The following ODAD2 variants were observed in gnomAD, a reference collection of about 807,000 sequenced individuals.
The protein encoded by ODAD2 is outer dynein arm docking complex subunit 2, also known as outer dynein arm-docking complex subunit 2.
Under a neutral mutation model 106.8 loss-of-function variants are expected in ODAD2, and 89 were observed. The ratio of observed to expected loss-of-function variants is 0.83; its 90% CI spans 0.70 to 0.99. The LOEUF (loss-of-function observed/expected upper bound fraction) is 0.99, where lower values mean the gene tolerates loss of function less well. Ranked by LOEUF, ODAD2 falls within the 50% of genes least tolerant of loss-of-function variation. ODAD2 has a pLI of 0.00. For synonymous variants in ODAD2, 404 were observed against 436.2 expected (o/e 0.93, Z 0.92); for missense variants, 1,168 against 1,238.5 (o/e 0.94, Z 0.85).
intron 17 of ODAD2, among the ~76,000 whole-genome samples, chr10:27,863,589 C>T (rs535505581): frequency 6.6e-6 from 1 of 152,196 alleles, no homozygotes; most frequent in Non-Finnish European, 1.5e-5. Flanking sequence ...ATGTTGCCTA[C>T]AACTGGTGGG....
At position 27,961,322 on chromosome 10, in the gene ODAD2, G is replaced by C. The variant is rs200208473; in HGVS notation, c.1386+246C>G. On this transcript the variant is annotated intron_variant, in intron 10 of 19. Coordinates refer to ENST00000305242, the MANE Select transcript of ODAD2 (RefSeq NM_018076.5). ...ATGGCAGCAAGTCACAGTGTCAGCT[G>C]TTTACCATGCCCACTTCCCAGCCGG... Among the ~76,000 whole-genome samples, 6 of 152,180 alleles carry C rather than the reference G, an allele frequency of 3.9e-5. No individual in the cohort carries two copies. The East Asian group carries it at 1.2e-3, about 29-fold the overall frequency.
chr10:27,874,932 T>A (rs1337067230), intron 17 of ODAD2, among the ~76,000 whole-genome samples: 2 of 152,344 alleles, frequency 1.3e-5, no homozygotes, highest in East Asian at 1.9e-4. Flanking sequence ...TTCTCCTGGA[T>A]AATATCCTGC....
chr10:27,982,578 A>G (rs1215878542), intron 6 of ODAD2, among the ~76,000 whole-genome samples: 2 of 152,150 alleles, frequency 1.3e-5, no homozygotes, highest in African/African-American at 2.4e-5. Context: ...TGTCATGCTA[A>G]TAAGAAAAGC....
intron 1 of ODAD2, chr10:27,995,755 T>G (rs1271188543): frequency 6.6e-6 from 1 of 152,390 alleles, no homozygotes; most frequent in Non-Finnish European, 1.5e-5. Context: ...ATAAGAACAG[T>G]ATTGTGAAAT....
intron 7 of ODAD2, among the ~76,000 whole-genome samples, chr10:27,971,770 A>G (rs1190844187): frequency 2.0e-5 from 3 of 152,184 alleles, no homozygotes; most frequent in African/African-American, 7.2e-5. Context: ...TCTTTAAAGC[A>G]CTAAAAAGGA....
At chr10:27,820,930 C>T (rs760004086) in intron 19 of ODAD2, among the ~76,000 whole-genome samples, 14 of 151,918 alleles carry the variant, frequency 9.2e-5, no homozygotes, top group South Asian at 2.1e-4. Flanking sequence ...TACAGGCATG[C>T]GCCACCACAC....
Position 27,940,547 on chromosome 10 carries a change from G to A in ODAD2, c.1986+16C>T, listed in dbSNP as rs367991055. On this transcript the variant is annotated intron_variant, in intron 13 of 19. Coordinates refer to ENST00000305242, the MANE Select transcript of ODAD2 (RefSeq NM_018076.5). The stretch of plus-strand genomic sequence containing the variant: ...TCAAGTTGAGAAGGCAAGGGAAGCA[G>A]AACTGGCATGAGTACCTCTGATGCA... 89 of 1,611,676 alleles carry A rather than the reference G, an allele frequency of 5.5e-5. No homozygotes were observed. The African/African-American group carries it at 8.5e-4, about 15-fold the overall frequency.
intron 7 of ODAD2, among the ~76,000 whole-genome samples, chr10:27,974,138 T>TC (rs1311697813): frequency 6.6e-6 from 1 of 152,212 alleles, no homozygotes; most frequent in Non-Finnish European, 1.5e-5. Context: ...TGTTTGTTTT[T>TC]CTCTTGAAAA....
At position 27,895,459 on chromosome 10, in the gene ODAD2, T is replaced by G. The variant is rs191768104; in HGVS notation, c.2610+12204A>C. On this transcript the variant is annotated intron_variant, in intron 17 of 19. Transcript: ENST00000305242. ...TGCGCCACCAAGCCTAGCTAATTTT[T>G]GTATTTTTAGTAGAGATGGGGTTTT... Among the ~76,000 whole-genome samples the G allele has an allele frequency of 3.4e-3, 516 of 152,324 alleles. 1 individual carries two copies. Among genetic ancestry groups the G allele is most frequent in the African/African-American group, 0.012 (488 of 41,574 alleles).
At chr10:27,958,339 A>G (rs1471191066) in intron 10 of ODAD2, among the ~76,000 whole-genome samples, 3 of 152,170 alleles carry the variant, frequency 2.0e-5, no homozygotes, top group African/African-American at 7.2e-5. Flanking sequence ...AAAACTCAAG[A>G]CAGTTATCCA....
chr10:27,984,474 T>C (rs1396641149), intron 4 of ODAD2, among the ~76,000 whole-genome samples, 184 bp from the exon 5 acceptor site: 1 of 152,278 alleles, frequency 6.6e-6, no homozygotes, highest in Admixed American at 6.5e-5. Flanking sequence ...TTATGTTTAA[T>C]GCAACATTAA....
intron 19 of ODAD2, among the ~76,000 whole-genome samples, chr10:27,816,320 C>T (rs1836131647): frequency 6.6e-6 from 1 of 152,158 alleles, no homozygotes; most frequent in Non-Finnish European, 1.5e-5. Flanking sequence ...GATCAATCTT[C>T]TGAGATTCAA....
upstream of ODAD2, among the ~76,000 whole-genome samples, chr10:27,999,630 C>G (rs1328385284): frequency 6.6e-6 from 1 of 151,164 alleles, no homozygotes; most frequent in Non-Finnish European, 1.5e-5. Context: ...AGCAAGAGCC[C>G]CAACTGGAAC....
Position 27,829,109 on chromosome 10 carries a change from G to GA in ODAD2, c.3022-16485dup, listed in dbSNP as rs201013122. ...GAGATGAAGCCAGAGAATTAAAAAGGAAAAAAAAAGAAACAAAATCCTTTT... is the reference window on the plus strand; with the variant it reads ...GAGATGAAGCCAGAGAATTAAAAAGGAAAAAAAAAAGAAACAAAATCCTTTT... On this transcript the variant is annotated intron_variant, in intron 19 of 19. Transcript: ENST00000305242. Among the ~76,000 whole-genome samples, 1,333 of 149,756 alleles carry GA rather than the reference G, an allele frequency of 8.9e-3. 50 individuals are homozygous for GA. Among genetic ancestry groups the GA allele is most frequent in the Admixed American group, 0.066 (996 of 15,086 alleles).
intron 17 of ODAD2, among the ~76,000 whole-genome samples, chr10:27,902,395 A>G (rs1490865864): frequency 1.3e-5 from 2 of 152,234 alleles, no homozygotes; most frequent in Non-Finnish European, 2.9e-5. Context: ...GAACTAGATA[A>G]GCAAGAGCAA....
intron 10 of ODAD2, 67 bp downstream of exon 10, chr10:27,961,501 G>C: frequency 1.4e-6 from 2 of 1,408,892 alleles, no homozygotes; most frequent in Non-Finnish European, 2.0e-6. Context: ...CTTGGAAGCA[G>C]CATATACATC....
chr10:27,958,449 T>C (rs1847884902), intron 10 of ODAD2, among the ~76,000 whole-genome samples: 2 of 152,228 alleles, frequency 1.3e-5, no homozygotes, highest in South Asian at 4.1e-4. Context: ...CATTAAATCC[T>C]AAGGGAGAAA....
At chr10:27,860,436 C>T (rs1286068789) in intron 19 of ODAD2, among the ~76,000 whole-genome samples, 189 bp downstream of exon 19, 5 of 152,002 alleles carry the variant, frequency 3.3e-5, no homozygotes, top group Admixed American at 2.0e-4. Context: ...CTGGGCAACA[C>T]AGCGAGACCT....
chr10:27,880,167 G>A lies in ODAD2; in HGVS notation c.2611-17545C>T, dbSNP rs537325890. Among the ~76,000 whole-genome samples the A allele has an allele frequency of 6.6e-5, 10 of 152,172 alleles. No homozygotes were observed. The South Asian group carries it at 8.3e-4, about 13-fold the overall frequency. Reference sequence around the variant, plus strand: ...TTAACAAGTGAATTATACAGGCCAGGACTCCCCTGTCCTGCCCTTACAGGA... The same window carrying A: ...TTAACAAGTGAATTATACAGGCCAGAACTCCCCTGTCCTGCCCTTACAGGA... On this transcript the variant is annotated intron_variant, in intron 17 of 19. Transcript: ENST00000305242.
Sources: allele counts gnomAD v4.1 joint callset (sites outside exome capture counted in the v4.1 genomes callset), GRCh38; gene constraint gnomAD v4.1.1; transcripts MANE v1.5; gene names NCBI Gene and HGNC (gene_info 2026-07-23, HGNC 2026-07-21).